TSC22D1: variants seen among roughly 807,000 people sequenced by gnomAD.
TSC22D1 encodes TSC22 domain family member 1, also known as TSC22 domain family protein 1.
A neutral mutation model predicts 74.2 loss-of-function variants in TSC22D1; 9 were observed. The observed-to-expected ratio is 0.12, with a 90% CI of 0.07 to 0.21. The LOEUF (loss-of-function observed/expected upper bound fraction) is 0.21. Ranked by LOEUF, TSC22D1 falls within the 10% of genes least tolerant of loss-of-function variation. The pLI is 1.00. For synonymous variants in TSC22D1, 586 were observed against 492.5 expected, an observed-to-expected ratio of 1.19 and a Z score of -2.51; for missense variants, 1,427 against 1,304.7, an observed-to-expected ratio of 1.09 and a Z score of -1.44.
chr13:44,445,395 G>C (rs890949039), intron 1 of TSC22D1, among the ~76,000 whole-genome samples: 2 of 150,080 alleles, frequency 1.3e-5, no homozygotes, highest in African/African-American at 4.9e-5. Flanking sequence ...ATGGATCATA[G>C]GACTAAATGT....
chr13:44,541,097 T>C (rs1881442373), intron 1 of TSC22D1, among the ~76,000 whole-genome samples: 1 of 152,210 alleles, frequency 6.6e-6, no homozygotes, highest in African/African-American at 2.4e-5. Context: ...TCCTTACCTG[T>C]TAGTGGAACG....
chr13:44,554,554 G>T (rs1882497821), intron 1 of TSC22D1, among the ~76,000 whole-genome samples: 1 of 144,756 alleles, frequency 6.9e-6, no homozygotes, highest in Admixed American at 7.1e-5. Flanking sequence ...TTTGTTCAGT[G>T]CTAGGTATGT....
intron 1 of TSC22D1, among the ~76,000 whole-genome samples, chr13:44,450,525 A>G (rs1353116182): frequency 6.6e-6 from 1 of 152,206 alleles, no homozygotes; most frequent in African/African-American, 2.4e-5. Context: ...ATGAGGGCCA[A>G]AACCAAGGAG....
At chr13:44,436,769 T>C in intron 1 of TSC22D1, 6 of 1,470,790 alleles carry the variant, frequency 4.1e-6, no homozygotes, top group Non-Finnish European at 4.5e-6. Flanking sequence ...ACCCAGCTTC[T>C]AGGGCTTGAT....
intron 1 of TSC22D1, among the ~76,000 whole-genome samples, chr13:44,517,857 A>ATATATATATAT (rs10627677): frequency 8.7e-4 from 14 of 16,174 alleles, no homozygotes; most frequent in Non-Finnish European, 1.5e-3. Context: ...ATATATATAT[A>ATATATATATAT]TTTTTTTTTT....
intron 1 of TSC22D1, among the ~76,000 whole-genome samples, chr13:44,521,379 CT>C (rs989525613): frequency 2.0e-5 from 3 of 152,030 alleles, no homozygotes; most frequent in East Asian, 1.9e-4. Context: ...CCCCTTCCCC[CT>C]TTTTTTTAAA....
chr13:44,457,098 G>C (rs1054808552), intron 1 of TSC22D1, among the ~76,000 whole-genome samples: 1 of 152,198 alleles, frequency 6.6e-6, no homozygotes, highest in Non-Finnish European at 1.5e-5. Flanking sequence ...AGAACAATTT[G>C]AGCGTAATGC....
chr13:44,436,832 G>A (rs566322530), intron 1 of TSC22D1: 2 of 1,340,832 alleles, frequency 1.5e-6, no homozygotes, highest in East Asian at 2.8e-5. Flanking sequence ...TCCCAGATCC[G>A]CAGCCGGGCT....
At chr13:44,511,038 C>T (rs1055346356) in intron 1 of TSC22D1, among the ~76,000 whole-genome samples, 1 of 152,170 alleles carries the variant, frequency 6.6e-6, no homozygotes, top group Non-Finnish European at 1.5e-5. Flanking sequence ...GCAATCCCAG[C>T]GTTCTGGGAG....
intron 1 of TSC22D1, among the ~76,000 whole-genome samples, chr13:44,437,576 A>G (rs2138856598): frequency 6.6e-6 from 1 of 152,316 alleles, no homozygotes; most frequent in Middle Eastern, 3.4e-3. Context: ...CAAACCTTAA[A>G]ATCACATCTC....
chr13:44,554,969 T>C (rs1340842420), intron 1 of TSC22D1, among the ~76,000 whole-genome samples: 2 of 152,190 alleles, frequency 1.3e-5, no homozygotes, highest in East Asian at 1.9e-4. Context: ...AACTCAAATA[T>C]AGTATAACTT....
intron 2 of TSC22D1, chr13:44,435,377 G>A (rs921351272): frequency 1.3e-5 from 2 of 156,848 alleles, no homozygotes; most frequent in Non-Finnish European, 2.8e-5. Context: ...CTGGGCAGAC[G>A]TCGCAGCCAA....
rs140134424 is a variant in TSC22D1, at chr13:44,527,076, C to T, written c.2912+46087G>A. Among the ~76,000 whole-genome samples the T allele has an allele frequency of 1.2e-3, 183 of 152,056 alleles. 1 individual carries two copies. The highest frequency in any genetic ancestry group is 4.1e-3 in the African/African-American group (172 of 41,500). On this transcript the variant is annotated intron_variant, in intron 1 of 2. Coordinates refer to ENST00000458659, the MANE Select transcript of TSC22D1 (RefSeq NM_183422.4). ...GCTGAAAGAAAAAACTAGCAACCTACAATTCTGCATACAGCAAAATTCTTG... is the reference window on the plus strand; with the variant it reads ...GCTGAAAGAAAAAACTAGCAACCTATAATTCTGCATACAGCAAAATTCTTG...
rs61034237 is a variant in TSC22D1, at chr13:44,487,498, C to CAAAAAAAAAAAAAA, written c.2913-51417_2913-51404dup. ...TGGGCAACAGAGCAAGACTCCATCTCAAAAAAAAAAAAAAAAAAAAAAAAA... is the reference window on the plus strand; with the variant it reads ...TGGGCAACAGAGCAAGACTCCATCTCAAAAAAAAAAAAAAAAAAAAAAAAAAAAAAAAAAAAAAA... On this transcript the variant is annotated intron_variant, in intron 1 of 2. Coordinates refer to ENST00000458659, the MANE Select transcript of TSC22D1 (RefSeq NM_183422.4). Among the ~76,000 whole-genome samples, 7 of 23,452 alleles carry CAAAAAAAAAAAAAA rather than the reference C, an allele frequency of 3.0e-4. 1 individual carries two copies. The highest frequency in any genetic ancestry group is 8.7e-4 in the African/African-American group (4 of 4,598). 15.4% of individuals were successfully genotyped at this position (23,452 alleles called of 152,430 possible).
At position 44,576,149 on chromosome 13, in the gene TSC22D1, C is replaced by T. The variant is rs1378686792; in HGVS notation, c.-75G>A. The T allele has an allele frequency of 2.2e-6, 3 of 1,393,918 alleles. No individual in the cohort carries two copies. Among genetic ancestry groups the T allele is most frequent in the Admixed American group, 6.4e-5 (2 of 31,320 alleles). The allele number at this position is 1,393,918 out of a possible 1,614,324, so 86.3% of individuals were successfully genotyped here. On this transcript the variant is annotated 5_prime_UTR_variant, in exon 1 of 3. Coordinates refer to ENST00000458659, the MANE Select transcript of TSC22D1 (RefSeq NM_183422.4). ...ACCGTAATCTTTGTATTGGAGACGC[C>T]GGAGAGGAAAACGGGACCTGACGCT...
At chr13:44,551,389 G>GGTGTGT (rs376368576) in intron 1 of TSC22D1, among the ~76,000 whole-genome samples, 3,879 of 125,264 alleles carry the variant, frequency 0.031, 93 homozygotes, top group Middle Eastern at 0.069. Context: ...CAATCAGATG[G>GGTGTGT]GTGTGTGTGT....
chr13:44,433,823 T>C lies in TSC22D1; in HGVS notation c.*803A>G, dbSNP rs1280996867. ...GCCAAATTCTTAAAATTTCTTTAGG[T>C]GTGGTTTTTGTCATGTAGCAGTTTT... On this transcript the variant is annotated 3_prime_UTR_variant, in exon 3 of 3. Coordinates refer to ENST00000458659, the MANE Select transcript of TSC22D1 (RefSeq NM_183422.4). 8.2e-6 allele frequency: 5 copies of C among 608,942 alleles called. No homozygotes were observed. The highest frequency in any genetic ancestry group is 3.9e-5 in the African/African-American group (2 of 51,116). 37.7% of individuals were successfully genotyped at this position (608,942 alleles called of 1,614,324 possible). A position where few individuals can be genotyped will look rare whatever the true frequency, so the allele number is the denominator to read the frequency against.
intron 1 of TSC22D1, among the ~76,000 whole-genome samples, chr13:44,500,892 CCCAGGCTAGTTTCAAACT>C (rs897901378): frequency 1.3e-5 from 2 of 152,082 alleles, no homozygotes; most frequent in African/African-American, 4.8e-5. Flanking sequence ...CACTTTATTG[CCCAGGCTAGTTTCAAACT>C]CCTGGCCTCC....
At chr13:44,471,064 T>C (rs1385392786) in intron 1 of TSC22D1, among the ~76,000 whole-genome samples, 4 of 152,232 alleles carry the variant, frequency 2.6e-5, no homozygotes, top group Non-Finnish European at 5.9e-5. Flanking sequence ...ATAAAGTGTG[T>C]AATAGCCAAC....
Sources: allele counts gnomAD v4.1 joint callset (sites outside exome capture counted in the v4.1 genomes callset), GRCh38; gene constraint gnomAD v4.1.1; transcripts MANE v1.5; gene names NCBI Gene and HGNC (gene_info 2026-07-23, HGNC 2026-07-21).